PARG: variants seen among roughly 807,000 people sequenced by gnomAD.
PARG encodes poly(ADP-ribose) glycohydrolase.
In PARG, 35 loss-of-function variants were observed where a neutral mutation model predicts 113.0. That is an observed-to-expected ratio of 0.31 (90% CI 0.24 to 0.41). The LOEUF is 0.41. Ranked by LOEUF, PARG falls within the 10% of genes least tolerant of loss-of-function variation. The pLI is 1.00. For synonymous variants in PARG, 330 were observed against 409.9 expected (o/e 0.81, Z 2.36); for missense variants, 797 against 1,169.4 (o/e 0.68, Z 4.64).
rs1280000038 is a variant in PARG at position 49,818,629 on chromosome 10, C to T, written c.*711G>A. On this transcript the variant is annotated 3_prime_UTR_variant, in exon 18 of 18. Transcript: ENST00000616448. The stretch of plus-strand genomic sequence containing the variant: ...TCTTTACACCACATCAGGAAAACCT[C>T]CTTTTATTCCACATTTCCTTTCATC... 4.6e-5 allele frequency: 7 copies of T among 152,498 alleles called. No individual in the cohort carries two copies. The Middle Eastern group carries it at 0.014, about 296-fold the overall frequency. The allele number at this position is 152,498 out of a possible 1,614,324, so 9.4% of individuals were successfully genotyped here. A position where few individuals can be genotyped will look rare whatever the true frequency, so the allele number is the denominator to read the frequency against.
chr10:49,941,759 C>T lies in PARG; in HGVS notation c.-34G>A. 3.2e-6 allele frequency: 5 copies of T among 1,547,366 alleles called. No individual in the cohort carries two copies. Among genetic ancestry groups the T allele is most frequent in the Non-Finnish European group, 4.3e-6 (5 of 1,150,278 alleles). On this transcript the variant is annotated 5_prime_UTR_variant, in exon 1 of 18. Transcript: ENST00000616448. ...CAGCAGCGCACTGTCCCCGGGCCGGCCCGGGCGGAGAGCCTCATTCACTAA... is the reference window on the plus strand; with the variant it reads ...CAGCAGCGCACTGTCCCCGGGCCGGTCCGGGCGGAGAGCCTCATTCACTAA...
chr10:49,824,631 C>G (rs1844262200), intron 16 of PARG, among the ~76,000 whole-genome samples: 1 of 152,138 alleles, frequency 6.6e-6, no homozygotes, highest in Non-Finnish European at 1.5e-5. Context: ...ACTCACACCA[C>G]AAGTGTGGTG....
chr10:49,928,999 CT>C (rs1838355545), intron 4 of PARG, among the ~76,000 whole-genome samples: 1 of 152,174 alleles, frequency 6.6e-6, no homozygotes, highest in African/African-American at 2.4e-5. Flanking sequence ...GAGTTACATG[CT>C]TTCATATAAT....
rs1588850288 is a variant in PARG, at chr10:49,819,190, G to A, written c.*150C>T. The A allele has an allele frequency of 5.0e-6, 3 of 600,040 alleles. No homozygotes were observed. The highest frequency in any genetic ancestry group is 2.5e-5 in the South Asian group (1 of 40,600). The allele number at this position is 600,040 out of a possible 1,614,324, so 37.2% of individuals were successfully genotyped here. A position where few individuals can be genotyped will look rare whatever the true frequency, so the allele number is the denominator to read the frequency against. On this transcript the variant is annotated 3_prime_UTR_variant, in exon 18 of 18. Coordinates refer to ENST00000616448, the MANE Select transcript of PARG (RefSeq NM_003631.5). ...AGTTTAGATGTACCAACTGACAACT[G>A]CACATGTGTGGAAGAGATTGCGTCC...
intron 9 of PARG, among the ~76,000 whole-genome samples, chr10:49,878,713 C>T (rs746671416): frequency 6.6e-6 from 1 of 151,910 alleles, no homozygotes; most frequent in African/African-American, 2.4e-5. Flanking sequence ...TTTGTGTATC[C>T]GCTCTATGAC....
At position 49,862,739 on chromosome 10, in the gene PARG, A is replaced by G. The variant is rs564094577; in HGVS notation, c.2130-1076T>C. On this transcript the variant is annotated intron_variant, in intron 11 of 17. Coordinates refer to ENST00000616448, the MANE Select transcript of PARG (RefSeq NM_003631.5). The stretch of plus-strand genomic sequence containing the variant: ...AAGCAGCAGAGATGTGAAACTAGGT[A>G]GACTCACTCAAGCTCTGAATCAGTA... Among the ~76,000 whole-genome samples, 50 of 151,752 alleles carry G rather than the reference A, an allele frequency of 3.3e-4. 1 individual carries two copies. The highest frequency in any genetic ancestry group is 9.9e-4 in the African/African-American group (41 of 41,324).
intron 7 of PARG, among the ~76,000 whole-genome samples, chr10:49,894,492 C>T (rs184485248): frequency 1.9e-3 from 292 of 152,170 alleles, no homozygotes; most frequent in East Asian, 0.018. Flanking sequence ...AGATGTTTTC[C>T]TCTAGAAGCT....
intron 7 of PARG, among the ~76,000 whole-genome samples, chr10:49,914,909 A>G (rs1837384562): frequency 6.6e-6 from 1 of 152,212 alleles, no homozygotes; most frequent in Non-Finnish European, 1.5e-5. Flanking sequence ...TTGAACTCCT[A>G]CCTTACACCA....
intron 6 of PARG, among the ~76,000 whole-genome samples, chr10:49,916,896 G>C (rs1269554249): frequency 2.0e-5 from 3 of 152,058 alleles, no homozygotes; most frequent in African/African-American, 7.2e-5. Flanking sequence ...ACCACTGTTA[G>C]ATTATTACTA....
chr10:49,830,786 G>A (rs1554830149), intron 16 of PARG, among the ~76,000 whole-genome samples: 2 of 152,150 alleles, frequency 1.3e-5, no homozygotes, highest in African/African-American at 4.8e-5. Flanking sequence ...ACCTTTCAGA[G>A]TGAAATCTAC....
intron 4 of PARG, among the ~76,000 whole-genome samples, chr10:49,925,292 C>T (rs868926955): frequency 2.3e-4 from 35 of 152,072 alleles, no homozygotes; most frequent in Admixed American, 7.2e-4. Flanking sequence ...CTGTTACCTA[C>T]AAGCATCAAC....
chr10:49,822,494 CA>C (rs1320181029), intron 16 of PARG, among the ~76,000 whole-genome samples: 1 of 152,014 alleles, frequency 6.6e-6, no homozygotes, highest in Non-Finnish European at 1.5e-5. Flanking sequence ...CAAAACGAAA[CA>C]AAAAACAGAC....
intron 7 of PARG, among the ~76,000 whole-genome samples, chr10:49,898,915 T>C (rs1848225709): frequency 6.6e-6 from 1 of 152,208 alleles, no homozygotes; most frequent in Admixed American, 6.5e-5. Context: ...CTTAAGACTT[T>C]CTGCTTTCTG....
rs1846865213 is a variant in PARG, at chr10:49,874,698, C to CA, written c.1988+4974dup. Among the ~76,000 whole-genome samples, 3 of 149,548 alleles carry CA rather than the reference C, an allele frequency of 2.0e-5. No individual in the cohort carries two copies. In the South Asian group the frequency reaches 6.5e-4, roughly 32 times the overall value. ...TGAAATCCTGTCTCTAATAAAAACACAAAAAATTAGCCGGGCGTGGTGGTG... is the reference window on the plus strand; with the variant it reads ...TGAAATCCTGTCTCTAATAAAAACACAAAAAAATTAGCCGGGCGTGGTGGTG... On this transcript the variant is annotated intron_variant, in intron 9 of 17. Coordinates refer to ENST00000616448, the MANE Select transcript of PARG (RefSeq NM_003631.5).
chr10:49,892,199 A>G (rs1847841765), intron 7 of PARG, among the ~76,000 whole-genome samples: 1 of 152,148 alleles, frequency 6.6e-6, no homozygotes, highest in Non-Finnish European at 1.5e-5. Context: ...TATGACAAAA[A>G]AGGCATTTTT....
chr10:49,867,128 G>A (rs1382527230), intron 10 of PARG: 1 of 151,796 alleles, frequency 6.6e-6, no homozygotes, highest in Admixed American at 6.6e-5. Flanking sequence ...TGCTTCTGCT[G>A]TCGTCTGGGA....
chr10:49,941,415 C>T (rs1839058316), intron 1 of PARG, 94 bp downstream of exon 1: 3 of 989,746 alleles, frequency 3.0e-6, no homozygotes, highest in Non-Finnish European at 4.7e-6. Context: ...GCACACAAGA[C>T]CAGAAAGGAG....
chr10:49,860,199 C>T (rs1197767935), intron 12 of PARG, among the ~76,000 whole-genome samples: 3 of 152,212 alleles, frequency 2.0e-5, no homozygotes, highest in Non-Finnish European at 4.4e-5. Flanking sequence ...CGAGGTCTCA[C>T]ATTTCCATCT....
intron 16 of PARG, among the ~76,000 whole-genome samples, chr10:49,823,392 T>C (rs1051871224): frequency 1.3e-5 from 2 of 152,166 alleles, no homozygotes; most frequent in East Asian, 1.9e-4. Context: ...AAAGAATCTA[T>C]GACATAATAT....
Sources: allele counts gnomAD v4.1 joint callset (sites outside exome capture counted in the v4.1 genomes callset), GRCh38; gene constraint gnomAD v4.1.1; transcripts MANE v1.5; gene names NCBI Gene and HGNC (gene_info 2026-07-23, HGNC 2026-07-21).